HSF2BP: variants seen among roughly 807,000 people sequenced by gnomAD.
The protein encoded by HSF2BP is heat shock transcription factor 2 binding protein.
A neutral mutation model predicts 35.0 loss-of-function variants in HSF2BP; 35 were observed. The observed-to-expected ratio is 1.00, with a 90% CI of 0.76 to 1.32. The LOEUF is 1.32. HSF2BP is among the 40% of genes most tolerant of loss of function. HSF2BP has a pLI of 0.00. For missense variants in HSF2BP, 326 were observed against 321.7 expected, an observed-to-expected ratio of 1.01 and a Z score of -0.10; for synonymous variants, 114 against 117.4, an observed-to-expected ratio of 0.97 and a Z score of 0.18.
chr21:43,651,062 T>C (rs112069957), intron 3 of HSF2BP, among the ~76,000 whole-genome samples: 3,826 of 152,220 alleles, frequency 0.025, 50 homozygotes, highest in Middle Eastern at 0.065. Context: ...CCCTAAACTT[T>C]TCCCAAACTC....
chr21:43,633,502 ATATT>A, intron 4 of HSF2BP, 81 bp from the exon 5 acceptor site: 1 of 1,195,020 alleles, frequency 8.4e-7, no homozygotes, highest in Non-Finnish European at 1.1e-6. Flanking sequence ...TTTCACAAAG[ATATT>A]TATTAAAGAA....
At chr21:43,615,951 C>G (rs1351038497) in intron 6 of HSF2BP, among the ~76,000 whole-genome samples, 1 of 151,172 alleles carries the variant, frequency 6.6e-6, no homozygotes, top group Admixed American at 6.6e-5. Flanking sequence ...ACTGTAGACC[C>G]ATGATCAAGA....
chr21:43,654,951 A>G (rs1601736489), intron 3 of HSF2BP, among the ~76,000 whole-genome samples: 1 of 152,314 alleles, frequency 6.6e-6, no homozygotes, highest in East Asian at 1.9e-4. Context: ...GACTATGGGG[A>G]AAAAGGTGAC....
At chr21:43,655,479 C>G (rs1328181630) in intron 3 of HSF2BP, among the ~76,000 whole-genome samples, 1 of 152,222 alleles carries the variant, frequency 6.6e-6, no homozygotes, top group Non-Finnish European at 1.5e-5. Context: ...AGCAACAGCC[C>G]TACAGCCACA....
At chr21:43,610,576 A>G (rs750051356) in intron 7 of HSF2BP, among the ~76,000 whole-genome samples, 2 of 152,170 alleles carry the variant, frequency 1.3e-5, no homozygotes, top group Non-Finnish European at 2.9e-5. Context: ...ACTGCACTCC[A>G]GCCTGGGTAA....
rs192810706 is a variant in HSF2BP, at chr21:43,652,223, T to C, written c.187+4364A>G. Among the ~76,000 whole-genome samples, 5 of 151,778 alleles carry C rather than the reference T, an allele frequency of 3.3e-5. No homozygotes were observed. In the East Asian group the frequency reaches 7.7e-4, roughly 23 times the overall value. ...ATCGAGACCAGCGTGGCCAATATGG[T>C]GAAATCCTGCCTCTACTAAAAATAC... On this transcript the variant is annotated intron_variant, in intron 3 of 8. Coordinates refer to ENST00000291560, the MANE Select transcript of HSF2BP (RefSeq NM_007031.2).
chr21:43,632,073 T>TCC (rs2082473071), intron 5 of HSF2BP, among the ~76,000 whole-genome samples: 1 of 12,166 alleles, frequency 8.2e-5, no homozygotes, highest in African/African-American at 2.1e-4. Flanking sequence ...CGCTCCCACA[T>TCC]ACACACGCTC....
intron 3 of HSF2BP, among the ~76,000 whole-genome samples, chr21:43,645,825 A>G (rs184472151): frequency 6.6e-6 from 1 of 152,288 alleles, no homozygotes; most frequent in African/African-American, 2.4e-5. Flanking sequence ...AAGCCAGAAT[A>G]AGACACTTGT....
intron 6 of HSF2BP, among the ~76,000 whole-genome samples, chr21:43,623,630 A>C (rs1568921680): frequency 6.6e-6 from 1 of 152,154 alleles, no homozygotes; most frequent in Admixed American, 6.6e-5. Context: ...GTCTCATCTT[A>C]AAAGTACAGA....
intron 3 of HSF2BP, among the ~76,000 whole-genome samples, chr21:43,655,359 G>A (rs2082852190): frequency 6.6e-6 from 1 of 152,216 alleles, no homozygotes; most frequent in Non-Finnish European, 1.5e-5. Context: ...CAGAGTCCCA[G>A]TGGGAAAGAG....
chr21:43,602,995 C>G (rs2082069650), intron 7 of HSF2BP, among the ~76,000 whole-genome samples: 1 of 151,602 alleles, frequency 6.6e-6, no homozygotes, highest in Non-Finnish European at 1.5e-5. Context: ...ATGGCCTACT[C>G]AAGGACTGGT....
chr21:43,659,256 C>A lies in HSF2BP; in HGVS notation c.-225+130G>T. On this transcript the variant is annotated intron_variant, in intron 1 of 8. Transcript: ENST00000291560. The surrounding 1 kb of genome is among the most constrained non-coding windows in gnomAD (Gnocchi z 4.2). Reference sequence around the variant, plus strand: ...AGGCTGCAGTGAGCCAGGATCACCGCCAAGATCGCGCCACTGCATTCCAGC... The same window carrying A: ...AGGCTGCAGTGAGCCAGGATCACCGACAAGATCGCGCCACTGCATTCCAGC... The A allele has an allele frequency of 6.5e-6, 1 of 152,848 alleles. No individual in the cohort carries two copies. The highest frequency in any genetic ancestry group is 1.5e-5 in the Non-Finnish European group (1 of 68,486). The allele number at this position is 152,848 out of a possible 1,614,324, so 9.5% of individuals were successfully genotyped here.
chr21:43,656,310 G>A (rs1208894176), intron 3 of HSF2BP, among the ~76,000 whole-genome samples: 1 of 152,168 alleles, frequency 6.6e-6, no homozygotes, highest in Non-Finnish European at 1.5e-5. Context: ...GAGCTTTTCA[G>A]TTATCAAAAG....
intron 8 of HSF2BP, among the ~76,000 whole-genome samples, chr21:43,577,036 C>A (rs912669894): frequency 1.3e-5 from 2 of 152,230 alleles, no homozygotes; most frequent in Middle Eastern, 3.4e-3. Flanking sequence ...GTGATGTCAG[C>A]GACACCATTC....
At chr21:43,581,011 T>G (rs17004583) in intron 8 of HSF2BP, among the ~76,000 whole-genome samples, 3 of 152,054 alleles carry the variant, frequency 2.0e-5, no homozygotes, top group Non-Finnish European at 4.4e-5. Context: ...ACTGGTGCCA[T>G]GGAAAAGATG....
rs1422996245 is a variant in HSF2BP at position 43,659,038 on chromosome 21, C to T, written c.-225+348G>A. Among the ~76,000 whole-genome samples the T allele has an allele frequency of 6.6e-6, 1 of 152,182 alleles. No homozygotes were observed. The highest frequency in any genetic ancestry group is 6.5e-5 in the Admixed American group (1 of 15,290). ...CGTGGCCAGGCGCGGCGGCTCAAGCCTGTAATCCCAGCGATCAGGGAGGCC... is the reference window on the plus strand; with the variant it reads ...CGTGGCCAGGCGCGGCGGCTCAAGCTTGTAATCCCAGCGATCAGGGAGGCC... On this transcript the variant is annotated intron_variant, in intron 1 of 8. Coordinates refer to ENST00000291560, the MANE Select transcript of HSF2BP (RefSeq NM_007031.2). The surrounding 1 kb of genome is among the most constrained non-coding windows in gnomAD (Gnocchi z 4.2).
Position 43,648,401 on chromosome 21 carries a change from T to C in HSF2BP, c.188-4009A>G, listed in dbSNP as rs1475201389. Reference sequence around the variant, plus strand: ...GTCCCAGGTGCTGTCAAGCATCTTGTCTGGAGCAACGCCTCTCGCCACGTC... The same window carrying C: ...GTCCCAGGTGCTGTCAAGCATCTTGCCTGGAGCAACGCCTCTCGCCACGTC... On this transcript the variant is annotated intron_variant, in intron 3 of 8. Coordinates refer to ENST00000291560, the MANE Select transcript of HSF2BP (RefSeq NM_007031.2). Among the ~76,000 whole-genome samples, 13 of 152,214 alleles carry C rather than the reference T, an allele frequency of 8.5e-5. No homozygotes were observed. In the South Asian group the frequency reaches 2.7e-3, roughly 32 times the overall value.
At position 43,622,220 on chromosome 21, in the gene HSF2BP, A is replaced by G. The variant is rs548619821; in HGVS notation, c.574+8102T>C. Reference sequence around the variant, plus strand: ...AATGAACTAAAACACACCAGAGAAAATCACTTAACCATAAAGGATGACAGT... The same window carrying G: ...AATGAACTAAAACACACCAGAGAAAGTCACTTAACCATAAAGGATGACAGT... On this transcript the variant is annotated intron_variant, in intron 6 of 8. Transcript: ENST00000291560. Among the ~76,000 whole-genome samples the G allele has an allele frequency of 2.0e-5, 3 of 152,318 alleles. No homozygotes were observed. The South Asian group carries it at 6.2e-4, about 32-fold the overall frequency.
intron 7 of HSF2BP, among the ~76,000 whole-genome samples, chr21:43,592,781 T>A (rs554217734): frequency 6.6e-6 from 1 of 152,282 alleles, no homozygotes; most frequent in Admixed American, 6.5e-5. Flanking sequence ...CAGGACTACA[T>A]AATCACAGTA....
Sources: gnomAD v4.1 joint callset for allele counts (sites outside exome capture counted in the v4.1 genomes callset) on GRCh38, gnomAD v4.1.1 for gene constraint, Gnocchi (gnomAD v3.1) non-coding constraint, MANE v1.5 for transcripts, NCBI Gene and HGNC (gene_info 2026-07-23, HGNC 2026-07-21) for gene names.